The following PDE1C variants were observed in gnomAD, a reference collection of about 807,000 sequenced individuals.
The protein encoded by PDE1C is dual specificity calcium/calmodulin-dependent 3',5'-cyclic nucleotide phosphodiesterase 1C.
Under a neutral mutation model 93.1 loss-of-function variants are expected in PDE1C, and 62 were observed. The ratio of observed to expected loss-of-function variants is 0.67; its 90% confidence interval spans 0.54 to 0.82. The LOEUF (loss-of-function observed/expected upper bound fraction) is 0.82. PDE1C is among the 40% of genes least tolerant of loss of function. The probability of loss-of-function intolerance (pLI) is 0.00; values close to 1 mark genes in which losing one functional copy is unlikely to be tolerated. For synonymous variants in PDE1C, 325 were observed against 310.1 expected (o/e 1.05, Z -0.50); for missense variants, 742 against 884.6 (o/e 0.84, Z 2.04).
intron 1 of PDE1C, among the ~76,000 whole-genome samples, chr7:32,332,490 G>A (rs1317366181): frequency 1.3e-5 from 2 of 151,510 alleles, no homozygotes; most frequent in African/African-American, 4.9e-5. Context: ...ATCTACTAAA[G>A]CTAAATATAC....
At chr7:31,925,260 T>C (rs372001423) in intron 2 of PDE1C, among the ~76,000 whole-genome samples, 1 of 152,206 alleles carries the variant, frequency 6.6e-6, no homozygotes, top group African/African-American at 2.4e-5. Context: ...TTATTATTAG[T>C]TCCTTTCCTT....
At chr7:31,946,184 T>C (rs773484391) in intron 2 of PDE1C, among the ~76,000 whole-genome samples, 1 of 152,182 alleles carries the variant, frequency 6.6e-6, no homozygotes, top group Non-Finnish European at 1.5e-5. Flanking sequence ...CTAATGATTG[T>C]TTTGTTTCTT....
At chr7:31,749,004 C>T (rs17160507), downstream of PDE1C, among the ~76,000 whole-genome samples, 1,565 of 152,250 alleles carry the variant, frequency 0.01, 34 homozygotes, top group African/African-American at 0.036. Context: ...GGATGAAAAT[C>T]CTAGACTTAA....
chr7:31,704,019 A>C, the PDE1C span, among the ~76,000 whole-genome samples: 1 of 152,228 alleles, frequency 6.6e-6, no homozygotes, highest in African/African-American at 2.4e-5. Context: ...GGCCTGCTTA[A>C]GAGTGAAAAG....
chr7:31,947,162 T>C (rs1344782356), intron 2 of PDE1C, among the ~76,000 whole-genome samples: 2 of 152,106 alleles, frequency 1.3e-5, no homozygotes, highest in African/African-American at 4.8e-5. Context: ...TGGAGCCGTG[T>C]TGGTGTGATA....
chr7:32,084,522 T>C (rs950376012), intron 3 of PDE1C, among the ~76,000 whole-genome samples: 5 of 149,598 alleles, frequency 3.3e-5, no homozygotes, highest in African/African-American at 9.9e-5. Flanking sequence ...TCTACAGAAC[T>C]CTCCACCCCA....
intron 2 of PDE1C, among the ~76,000 whole-genome samples, chr7:32,189,347 A>G (rs371429043): frequency 1.9e-4 from 29 of 152,252 alleles, no homozygotes; most frequent in African/African-American, 6.8e-4. Flanking sequence ...TAAGTTGGAT[A>G]CTTGAGAGGT....
intron 17 of PDE1C, among the ~76,000 whole-genome samples, chr7:31,757,490 T>C (rs1181191471): frequency 6.6e-6 from 1 of 152,202 alleles, no homozygotes; most frequent in East Asian, 1.9e-4. Context: ...ACCTTGGACC[T>C]TAGTACTAGA....
At chr7:31,652,882 G>A in the PDE1C span, 79 of 1,563,514 alleles carry the variant, frequency 5.1e-5, no homozygotes, top group African/African-American at 8.6e-4. Context: ...CAGAACAGAT[G>A]TAGCAAGGAA....
intron 1 of PDE1C, among the ~76,000 whole-genome samples, chr7:32,279,302 G>A (rs969525543): frequency 1.3e-5 from 2 of 152,110 alleles, no homozygotes; most frequent in Non-Finnish European, 1.5e-5. Flanking sequence ...AAGATAAAAG[G>A]TAAAGAAAAT....
intron 2 of PDE1C, among the ~76,000 whole-genome samples, chr7:31,918,482 A>T (rs1279025500): frequency 1.3e-5 from 2 of 152,190 alleles, no homozygotes; most frequent in East Asian, 3.9e-4. Context: ...TTAGCTGTGC[A>T]CGTTGAGGAG....
chr7:32,274,209 AT>A (rs1263722575), intron 1 of PDE1C, among the ~76,000 whole-genome samples: 3,287 of 144,048 alleles, frequency 0.023, 41 homozygotes, highest in Middle Eastern at 0.036. Context: ...TAGTTTTTTA[AT>A]TTTTTTTTTT....
intron 2 of PDE1C, among the ~76,000 whole-genome samples, chr7:31,958,491 T>A (rs1808465089): frequency 6.6e-6 from 1 of 152,214 alleles, no homozygotes; most frequent in African/African-American, 2.4e-5. Context: ...CCTTTTGCAA[T>A]CTGAATATCC....
intron 1 of PDE1C, among the ~76,000 whole-genome samples, chr7:32,311,238 C>T (rs1422720387): frequency 6.6e-6 from 1 of 152,144 alleles, no homozygotes; most frequent in Non-Finnish European, 1.5e-5. Context: ...GAATAACAGG[C>T]TCTGAAATTG....
rs557793730 is a variant in PDE1C, at chr7:31,965,873, A to G, written c.129-85013T>C. Among the ~76,000 whole-genome samples, 9 of 152,350 alleles carry G rather than the reference A, an allele frequency of 5.9e-5. No individual in the cohort carries two copies. In the South Asian group the frequency reaches 1.9e-3, roughly 32 times the overall value. On this transcript the variant is annotated intron_variant, in intron 2 of 17. Transcript: ENST00000396191. Reference sequence around the variant, plus strand: ...CAGCCAAACTAAGCTTCATAAGTGAAGGAGAAATAAAATACTTTACAGACA... The same window carrying G: ...CAGCCAAACTAAGCTTCATAAGTGAGGGAGAAATAAAATACTTTACAGACA...
intron 16 of PDE1C, among the ~76,000 whole-genome samples, chr7:31,798,911 G>A (rs960639908): frequency 2.0e-5 from 3 of 151,608 alleles, no homozygotes; most frequent in Admixed American, 6.6e-5. Context: ...AAGGTTTTGA[G>A]GTGTCTAAAA....
chr7:31,873,606 T>C (rs969847211), intron 5 of PDE1C, among the ~76,000 whole-genome samples, 198 bp from the exon 6 acceptor site: 12 of 152,206 alleles, frequency 7.9e-5, no homozygotes, highest in African/African-American at 2.9e-4. Flanking sequence ...TAAATAGTCT[T>C]ATTACTAATA....
chr7:32,348,956 C>G (rs1305298425), intron 1 of PDE1C, among the ~76,000 whole-genome samples: 2 of 152,240 alleles, frequency 1.3e-5, no homozygotes, highest in African/African-American at 4.8e-5. Context: ...ATCCTCTTCT[C>G]TCACACAACT....
the PDE1C span, among the ~76,000 whole-genome samples, chr7:31,673,875 C>T: frequency 2.0e-5 from 3 of 151,998 alleles, no homozygotes; most frequent in African/African-American, 7.3e-5. Context: ...GATAAAATGC[C>T]TTTCAGATCC....
Sources: allele counts gnomAD v4.1 joint callset (sites outside exome capture counted in the v4.1 genomes callset), GRCh38; gene constraint gnomAD v4.1.1; transcripts MANE v1.5; gene names NCBI Gene and HGNC (gene_info 2026-07-23, HGNC 2026-07-21).